Variants in CLEC12A observed in about 807,000 individuals in gnomAD.
The protein encoded by CLEC12A is C-type lectin protein CLL-1.
In CLEC12A, 22 loss-of-function variants were observed where a neutral mutation model predicts 26.5. The ratio of observed to expected loss-of-function variants is 0.83; its 90% CI spans 0.59 to 1.19. CLEC12A has a LOEUF of 1.19. Among genes scored for constraint, CLEC12A ranks in the 50% most tolerant of loss-of-function variants. The pLI is 0.00. For missense variants in CLEC12A, 353 were observed against 315.6 expected (o/e 1.12, Z -0.90); for synonymous variants, 119 against 101.9 (o/e 1.17, Z -1.01).
chr12:9,994,888 A>C, intron 4 of CLEC12A: 2 of 819,802 alleles, frequency 2.4e-6, no homozygotes, highest in Non-Finnish European at 1.7e-6. Flanking sequence ...GTTCCATGGT[A>C]AGGTTGAATG....
At chr12:9,973,064 C>T (rs190737656) in intron 1 of CLEC12A, among the ~76,000 whole-genome samples, 93 of 152,230 alleles carry the variant, frequency 6.1e-4, no homozygotes, top group Admixed American at 1.6e-3. Context: ...TTCTCATTAT[C>T]GAGCTTAGAA....
chr12:9,990,889 C>G (rs1257490783), intron 4 of CLEC12A: 1 of 152,170 alleles, frequency 6.6e-6, no homozygotes, highest in Non-Finnish European at 1.5e-5. Context: ...CCATCAACAT[C>G]AAGGCAAGAC....
At chr12:9,977,119 A>G (rs1864370447) in intron 1 of CLEC12A, among the ~76,000 whole-genome samples, 1 of 152,206 alleles carries the variant, frequency 6.6e-6, no homozygotes, top group African/African-American at 2.4e-5. Flanking sequence ...TTTTATCACT[A>G]TGAGATACTG....
At chr12:9,973,593 CCA>C (rs1864218498) in intron 1 of CLEC12A, among the ~76,000 whole-genome samples, 1 of 152,066 alleles carries the variant, frequency 6.6e-6, no homozygotes, top group African/African-American at 2.4e-5. Context: ...ATTTTCAACC[CCA>C]GTTACTCTCA....
chr12:9,995,131 G>A, exon 5 of CLEC12A: 1 of 1,611,522 alleles, frequency 6.2e-7, no homozygotes, highest in African/African-American at 1.3e-5. Context: ...TAAGTGTCCA[G>A]TGACTTACAT....
intron 1 of CLEC12A, among the ~76,000 whole-genome samples, chr12:9,962,402 G>A (rs1478603866): frequency 6.6e-6 from 1 of 151,796 alleles, no homozygotes; most frequent in Non-Finnish European, 1.5e-5. Context: ...TTCTTCACCT[G>A]TCTTCATTTC....
rs771306548 is a variant in CLEC12A, at chr12:9,985,056, A to G, written c.*30A>G. ...TCAATCAAATACATTTAAGGAGTGT[A>G]GGGGGTGGGGGTTCTAGGCTATAGG... On this transcript the variant is annotated 3_prime_UTR_variant, in exon 6 of 6. Coordinates refer to ENST00000304361, the MANE Select transcript of CLEC12A (RefSeq NM_138337.6). 7 of 1,428,536 alleles carry G rather than the reference A, an allele frequency of 4.9e-6. No individual in the cohort carries two copies. The African/African-American group carries it at 8.8e-5, about 18-fold the overall frequency. The allele number at this position is 1,428,536 out of a possible 1,614,324, so 88.5% of individuals were successfully genotyped here. A position where few individuals can be genotyped will look rare whatever the true frequency, so the allele number is the denominator to read the frequency against.
chr12:9,995,411 T>C, exon 5 of CLEC12A: 1 of 652,214 alleles, frequency 1.5e-6, no homozygotes, highest in Non-Finnish European at 2.8e-6. Context: ...ATTTGACTTG[T>C]CTGAGAACTT....
At chr12:9,987,330 G>A (rs187570715), downstream of CLEC12A, among the ~76,000 whole-genome samples, 43 of 152,110 alleles carry the variant, frequency 2.8e-4, no homozygotes, top group Non-Finnish European at 4.6e-4. Context: ...TTAGCATAGG[G>A]GTGGCTTCAG....
intron 1 of CLEC12A, among the ~76,000 whole-genome samples, 184 bp downstream of exon 1, chr12:9,971,871 A>T (rs141711354): frequency 0.01 from 1,572 of 152,296 alleles, 21 homozygotes; most frequent in South Asian, 0.029. Flanking sequence ...TTGTAAAAAC[A>T]CTTATCTCTG....
chr12:9,961,414 C>T (rs902200556), intron 1 of CLEC12A, among the ~76,000 whole-genome samples: 1 of 152,218 alleles, frequency 6.6e-6, no homozygotes, highest in Admixed American at 6.5e-5. Flanking sequence ...TTTCTGCCTG[C>T]ACATAGCTAC....
chr12:9,956,990 A>AG lies in CLEC12A; in HGVS notation c.10+5634_10+5635insG, dbSNP rs1233053001. Among the ~76,000 whole-genome samples the AG allele has an allele frequency of 2.6e-5, 4 of 152,204 alleles. No individual in the cohort carries two copies. In the East Asian group the frequency reaches 7.7e-4, roughly 29 times the overall value. ...AGGAAATAAAAACTAATTTTTAAAA[A>AG]AGCAAAATTTTCAATCCCTTGGTTT... On this transcript the variant is annotated intron_variant, in intron 1 of 6. Transcript: ENST00000355690.
At chr12:9,953,570 C>T (rs1219772027) in intron 1 of CLEC12A, among the ~76,000 whole-genome samples, 11 of 151,530 alleles carry the variant, frequency 7.3e-5, no homozygotes, top group South Asian at 2.1e-4. Flanking sequence ...CCAGCCGCCC[C>T]GTCCGGGAGG....
Position 9,980,654 on chromosome 12 carries a change from T to G in CLEC12A, c.452T>G (p.Val151Gly). The G allele has an allele frequency of 6.2e-7, 1 of 1,613,910 alleles. No individual in the cohort carries two copies. Among genetic ancestry groups the G allele is most frequent in the African/African-American group, 1.3e-5 (1 of 75,024 alleles). Residue 151 changes from valine to glycine, a missense_variant, in exon 4 of 6, where the codon GTC (valine) becomes GGC (glycine). By Grantham distance (109) the Val-to-Gly change is moderately radical. Coordinates refer to ENST00000304361, the MANE Select transcript of CLEC12A (RefSeq NM_138337.6). The part of the protein sequence containing the change: ...KDSCYFLSDD[V>G]QTWQESKMAC... ...AGCTGTTATTTCCTAAGTGATGATG[T>G]CCAAACATGGCAGGAGAGTAAAATG...
rs1335861497 is a variant in CLEC12A, at chr12:9,985,525, T to C, written c.*499T>C. On this transcript the variant is annotated 3_prime_UTR_variant, in exon 6 of 6. Coordinates refer to ENST00000304361, the MANE Select transcript of CLEC12A (RefSeq NM_138337.6). The stretch of plus-strand genomic sequence containing the variant: ...GTTCTAGGCCAGGTAAGAATGGATA[T>C]GGACATGCATTTATTACCTCTTAAA... 2 of 398,536 alleles carry C rather than the reference T, an allele frequency of 5.0e-6. No homozygotes were observed. The highest frequency in any genetic ancestry group is 3.6e-5 in the East Asian group (1 of 28,092). The allele number at this position is 398,536 out of a possible 1,614,324, so 24.7% of individuals were successfully genotyped here.
downstream of CLEC12A, chr12:9,999,080 G>A (rs770369249): frequency 1.4e-5 from 23 of 1,610,392 alleles, no homozygotes; most frequent in Admixed American, 3.7e-4. Context: ...TTAAGGTGAT[G>A]TATCCATCTT....
chr12:9,973,739 G>A (rs1462233471), intron 1 of CLEC12A, among the ~76,000 whole-genome samples: 3 of 152,046 alleles, frequency 2.0e-5, no homozygotes, highest in East Asian at 1.9e-4. Context: ...TACTTATGAA[G>A]GGACGGCTCC....
At chr12:10,002,266 A>G in the CLEC12A span, among the ~76,000 whole-genome samples, 1 of 152,164 alleles carries the variant, frequency 6.6e-6, no homozygotes, top group African/African-American at 2.4e-5. Flanking sequence ...CAGATTAAGA[A>G]CACTCTAAAT....
chr12:9,961,637 G>T (rs1863830499), intron 1 of CLEC12A, among the ~76,000 whole-genome samples: 1 of 151,954 alleles, frequency 6.6e-6, no homozygotes, highest in South Asian at 2.1e-4. Flanking sequence ...TATTCTGTGT[G>T]ACTGCCAGAA....
Sources: gnomAD v4.1 joint callset for allele counts (sites outside exome capture counted in the v4.1 genomes callset) on GRCh38, gnomAD v4.1.1 for gene constraint, MANE v1.5 for transcripts, NCBI Gene and HGNC (gene_info 2026-07-23, HGNC 2026-07-21) for gene names.